The following SCRN1 variants were observed in gnomAD, a reference collection of about 807,000 sequenced individuals.
SCRN1 encodes secernin 1, also known as secernin-1.
SCRN1 carries 19 observed loss-of-function variants against 43.3 expected under a neutral mutation model. The observed-to-expected ratio is 0.44, with a 90% CI of 0.31 to 0.64. The LOEUF (loss-of-function observed/expected upper bound fraction) is 0.64, where lower values mean the gene tolerates loss of function less well. SCRN1 is among the 30% of genes least tolerant of loss of function. SCRN1 has a pLI of 0.09. For synonymous variants in SCRN1, 183 were observed against 188.9 expected, an observed-to-expected ratio of 0.97 and a Z score of 0.26; for missense variants, 447 against 524.1, an observed-to-expected ratio of 0.85 and a Z score of 1.44.
chr7:29,947,384 T>C, intron 3 of SCRN1: 12 of 1,525,040 alleles, frequency 7.9e-6, no homozygotes, highest in Non-Finnish European at 1.1e-5. Context: ...TTAGAAACTC[T>C]GCTTATCTTT....
intron 2 of SCRN1, among the ~76,000 whole-genome samples, chr7:29,955,812 C>A (rs1361259351): frequency 1.3e-5 from 2 of 152,206 alleles, no homozygotes; most frequent in African/African-American, 4.8e-5. Flanking sequence ...CCTGCAAGGA[C>A]CCTTTGGGTT....
Position 29,950,976 on chromosome 7 carries a change from G to A in SCRN1, c.341+4203C>T, listed in dbSNP as rs952383824. 1.3e-5 allele frequency among the ~76,000 whole-genome samples: 2 copies of A among 152,248 alleles called. No individual in the cohort carries two copies. The highest frequency in any genetic ancestry group is 2.9e-5 in the Non-Finnish European group (2 of 68,048). On this transcript the variant is annotated intron_variant, in intron 3 of 7. Coordinates refer to ENST00000242059, the MANE Select transcript of SCRN1 (RefSeq NM_014766.5). The surrounding 1 kb of genome is among the most constrained non-coding windows in gnomAD (Gnocchi z 4.5). ...CCCGCCAAATGGTGGGACTGAAAGA[G>A]CTATAACACAAACAGTGCTGAAGCA...
chr7:29,927,282 A>T (rs533432593), intron 6 of SCRN1, among the ~76,000 whole-genome samples: 20 of 152,198 alleles, frequency 1.3e-4, no homozygotes, highest in African/African-American at 4.6e-4. Flanking sequence ...GATGGATGTT[A>T]TCTTCGGGAA....
At chr7:29,960,923 G>C (rs1562816138) in intron 2 of SCRN1, among the ~76,000 whole-genome samples, 1 of 152,050 alleles carries the variant, frequency 6.6e-6, no homozygotes, top group Non-Finnish European at 1.5e-5. Context: ...AAGAGATGTT[G>C]TTAAAAGCCC....
intron 1 of SCRN1, among the ~76,000 whole-genome samples, chr7:29,987,141 C>T (rs1789186753): frequency 6.6e-6 from 1 of 152,192 alleles, no homozygotes; most frequent in Admixed American, 6.5e-5. Context: ...CTGTTCCCTG[C>T]CTCCTGCCAC....
In SCRN1 at chr7:29,982,832, A is replaced by G. The variant is rs574549994; in HGVS notation, c.-2+6810T>C. On this transcript the variant is annotated intron_variant, in intron 1 of 7. Coordinates refer to ENST00000242059, the MANE Select transcript of SCRN1 (RefSeq NM_014766.5). ...GACTCTATCTTCTCAATCAAGGGCAAGAAGTGTCTCTTCATTTTTTTTTTT... is the reference window on the plus strand; with the variant it reads ...GACTCTATCTTCTCAATCAAGGGCAGGAAGTGTCTCTTCATTTTTTTTTTT... Among the ~76,000 whole-genome samples the G allele has an allele frequency of 2.0e-5, 3 of 151,680 alleles. No individual in the cohort carries two copies. The South Asian group carries it at 6.3e-4, about 32-fold the overall frequency.
chr7:29,932,454 A>G (rs1787187170), intron 6 of SCRN1, among the ~76,000 whole-genome samples: 1 of 151,982 alleles, frequency 6.6e-6, no homozygotes, highest in South Asian at 2.1e-4. Flanking sequence ...GGACTTCGAG[A>G]CCAGCCTGGC....
At chr7:29,964,968 A>ATG (rs1222191026) in intron 2 of SCRN1, among the ~76,000 whole-genome samples, 3 of 151,914 alleles carry the variant, frequency 2.0e-5, no homozygotes, top group Non-Finnish European at 4.4e-5. Flanking sequence ...ATATATATAT[A>ATG]TACTGTGTCA....
chr7:29,931,676 CT>C (rs1419558386), intron 6 of SCRN1, among the ~76,000 whole-genome samples: 2 of 152,204 alleles, frequency 1.3e-5, no homozygotes, highest in Admixed American at 1.3e-4. Flanking sequence ...TCTGCTCTTA[CT>C]GAAGATGCAG....
chr7:29,949,239 C>T (rs1787834817), intron 3 of SCRN1, among the ~76,000 whole-genome samples: 1 of 151,410 alleles, frequency 6.6e-6, no homozygotes, highest in Non-Finnish European at 1.5e-5. Context: ...GGCGTGAACC[C>T]AGGAGGCGGA....
At chr7:29,945,232 T>C (rs1787696769) in intron 3 of SCRN1, among the ~76,000 whole-genome samples, 1 of 152,174 alleles carries the variant, frequency 6.6e-6, no homozygotes. Flanking sequence ...AGGGCACTGA[T>C]ATGGTTTGGC....
chr7:29,960,778 C>T (rs539702001), intron 2 of SCRN1, among the ~76,000 whole-genome samples: 5 of 152,160 alleles, frequency 3.3e-5, no homozygotes, highest in African/African-American at 1.2e-4. Flanking sequence ...TTCCTCAACA[C>T]GCCTACCTAG....
chr7:29,932,111 G>A (rs543454348), intron 6 of SCRN1, among the ~76,000 whole-genome samples: 9 of 152,294 alleles, frequency 5.9e-5, no homozygotes, highest in South Asian at 2.1e-4. Context: ...TAAGGATGGC[G>A]GCTCTGGGGG....
chr7:29,982,974 G>A (rs1789037052), intron 1 of SCRN1, among the ~76,000 whole-genome samples: 1 of 152,002 alleles, frequency 6.6e-6, no homozygotes, highest in Admixed American at 6.6e-5. Flanking sequence ...AAGTAGCTGG[G>A]ATTACAGGCA....
chr7:29,944,741 G>A (rs1046036294), intron 3 of SCRN1, among the ~76,000 whole-genome samples: 4 of 151,256 alleles, frequency 2.6e-5, no homozygotes, highest in Middle Eastern at 3.4e-3. Flanking sequence ...ATTTCCCTTC[G>A]ACACAGGAGA....
chr7:29,973,728 A>G (rs1443460744), intron 1 of SCRN1, among the ~76,000 whole-genome samples: 2 of 152,256 alleles, frequency 1.3e-5, no homozygotes, highest in Admixed American at 1.3e-4. Context: ...GAAGGAAACC[A>G]CAAAGCAGAC....
intron 3 of SCRN1, among the ~76,000 whole-genome samples, chr7:29,945,889 C>A (rs1583665701): frequency 6.6e-6 from 1 of 152,112 alleles, no homozygotes; most frequent in Admixed American, 6.6e-5. Context: ...AGAACCTGGG[C>A]AATGGTGCTA....
At chr7:29,934,315 G>A (rs1378936628) in intron 6 of SCRN1, among the ~76,000 whole-genome samples, 1 of 152,126 alleles carries the variant, frequency 6.6e-6, no homozygotes, top group Non-Finnish European at 1.5e-5. Flanking sequence ...TTCAGCCTAG[G>A]AAGTGGAGTT....
chr7:29,944,767 T>C (rs1787678261), intron 3 of SCRN1, among the ~76,000 whole-genome samples: 1 of 151,928 alleles, frequency 6.6e-6, no homozygotes, highest in Non-Finnish European at 1.5e-5. Context: ...GAACCCAGTG[T>C]CTTCTCCCTC....
Sources: gnomAD v4.1 joint callset for allele counts (sites outside exome capture counted in the v4.1 genomes callset) on GRCh38, gnomAD v4.1.1 for gene constraint, Gnocchi (gnomAD v3.1) non-coding constraint, MANE v1.5 for transcripts, NCBI Gene and HGNC (gene_info 2026-07-23, HGNC 2026-07-21) for gene names.